The following PCDH11X variants were observed in gnomAD, a reference collection of about 807,000 sequenced individuals.
The protein encoded by PCDH11X is protocadherin-11 X-linked.
In PCDH11X, 18 loss-of-function variants were observed where a neutral mutation model predicts 53.3. The ratio of observed to expected loss-of-function variants is 0.34; its 90% CI spans 0.23 to 0.50. The LOEUF is 0.50. Among genes scored for constraint, PCDH11X ranks in the 20% least tolerant of loss-of-function variants. The pLI, the probability that PCDH11X is intolerant of heterozygous loss-of-function variation, is 0.98. For synonymous variants in PCDH11X, 279 were observed against 393.3 expected (o/e 0.71, Z 3.44); for missense variants, 570 against 1,032.4 (o/e 0.55, Z 6.14).
At chrX:92,102,962 T>C (rs1323168897) in intron 6 of PCDH11X, among the ~76,000 whole-genome samples, 1 of 111,496 alleles carries the variant, frequency 9.0e-6, no homozygotes, top group Non-Finnish European at 1.9e-5. Flanking sequence ...GCTTTAATCC[T>C]TTCAAAGCGT....
intron 6 of PCDH11X, among the ~76,000 whole-genome samples, chrX:92,033,862 T>C (rs1265022540): frequency 9.0e-6 from 1 of 110,568 alleles, no homozygotes; most frequent in African/African-American, 3.3e-5. Flanking sequence ...TTTTTCTTTT[T>C]CTTTTTTTTT....
chrX:92,273,321 A>G (rs950944278), intron 8 of PCDH11X, among the ~76,000 whole-genome samples: 43 of 111,165 alleles, frequency 3.9e-4, no homozygotes, highest in Non-Finnish European at 1.5e-4. Flanking sequence ...TCTGAGCCAG[A>G]AGAAGGAAAT....
chrX:92,426,357 C>T (rs1340471742), intron 9 of PCDH11X, among the ~76,000 whole-genome samples: 1 of 102,049 alleles, frequency 9.8e-6, no homozygotes, highest in Non-Finnish European at 2.0e-5. Flanking sequence ...CATTACTGTC[C>T]TGTCTTTAAA....
chrX:92,244,633 A>G (rs1374558158), intron 7 of PCDH11X, among the ~76,000 whole-genome samples: 1 of 111,692 alleles, frequency 9.0e-6, no homozygotes, highest in Non-Finnish European at 1.9e-5. Context: ...TGTTAACTCA[A>G]TTAGCCCTCA....
At chrX:91,893,665 T>C (rs1256556805) in intron 6 of PCDH11X, among the ~76,000 whole-genome samples, 3 of 111,115 alleles carry the variant, frequency 2.7e-5, no homozygotes, top group Non-Finnish European at 5.7e-5. Context: ...ATAGAAATCA[T>C]TGTGTCTCTC....
At chrX:92,135,757 T>TTGTGTGTGTGTGTGTG (rs575523392) in intron 6 of PCDH11X, among the ~76,000 whole-genome samples, 1 of 100,166 alleles carries the variant, frequency 1.0e-5, no homozygotes, top group Non-Finnish European at 2.0e-5. Context: ...GTGTGCATGT[T>TTGTGTGTGTGTGTGTG]TGTGTGTGTG....
At chrX:91,891,917 T>C (rs5942087) in intron 6 of PCDH11X, among the ~76,000 whole-genome samples, 14,207 of 89,200 alleles carry the variant, frequency 0.16, 1,513 homozygotes, top group Admixed American at 0.36. Flanking sequence ...TTTGTGAGTA[T>C]ATAATATCAG....
At chrX:91,858,402 T>C (rs2524489) in intron 5 of PCDH11X, among the ~76,000 whole-genome samples, 2 of 112,024 alleles carry the variant, frequency 1.8e-5, no homozygotes, top group African/African-American at 3.2e-5. Flanking sequence ...GCTCCTTGTT[T>C]CCTATGCAAA....
chrX:92,617,934 G>A (rs1928157710), intron 10 of PCDH11X, among the ~76,000 whole-genome samples: 1 of 111,076 alleles, frequency 9.0e-6, no homozygotes. Context: ...CTCAGTGCTA[G>A]TTAGAAGCCA....
intron 8 of PCDH11X, among the ~76,000 whole-genome samples, chrX:92,297,273 C>T (rs1166314959): frequency 9.5e-6 from 1 of 105,718 alleles, no homozygotes; most frequent in Non-Finnish European, 1.9e-5. Flanking sequence ...TGTTTTTGTA[C>T]TTTTAGGTTT....
rs376361040 is a variant in PCDH11X at position 92,399,192 on chromosome X, C to CAAA, written c.3343+11273_3343+11275dup. On this transcript the variant is annotated intron_variant, in intron 9 of 10. Coordinates refer to ENST00000682573, the MANE Select transcript of PCDH11X (RefSeq NM_032968.5). ...TGGGCAACAGAGCCAGACTCCGTGTCAAAAAAAAAAAAAAAATTATAAGAT... is the reference window on the plus strand; with the variant it reads ...TGGGCAACAGAGCCAGACTCCGTGTCAAAAAAAAAAAAAAAAAAATTATAAGAT... Among the ~76,000 whole-genome samples the CAAA allele has an allele frequency of 5.6e-3, 511 of 91,530 alleles. 3 individuals carry two copies. The highest frequency in any genetic ancestry group is 0.011 in the Middle Eastern group (2 of 182). 79.5% of individuals were successfully genotyped at this position (91,530 alleles called of 115,157 possible). A position where few individuals can be genotyped will look rare whatever the true frequency, so the allele number is the denominator to read the frequency against.
chrX:92,406,098 C>CA (rs61310716), intron 9 of PCDH11X, among the ~76,000 whole-genome samples: 12,305 of 56,338 alleles, frequency 0.22, 2,027 homozygotes, highest in East Asian at 0.7. Flanking sequence ...GACTCTGTCT[C>CA]AAAAAAAAAA....
rs749922148 is a variant in PCDH11X at position 92,032,344 on chromosome X, T to C, written c.3033+153071T>C. 2.7e-5 allele frequency among the ~76,000 whole-genome samples: 3 copies of C among 111,795 alleles called. No homozygotes were observed. In the East Asian group the frequency reaches 8.4e-4, roughly 31 times the overall value. On this transcript the variant is annotated intron_variant, in intron 6 of 10. Transcript: ENST00000682573. Reference sequence around the variant, plus strand: ...CATGTTTATTTTCTATCCTGCAATTTTACTAAATTTGTTTACCAGTTGTAA... The same window carrying C: ...CATGTTTATTTTCTATCCTGCAATTCTACTAAATTTGTTTACCAGTTGTAA...
intron 8 of PCDH11X, among the ~76,000 whole-genome samples, chrX:92,277,002 C>T (rs187391077): frequency 1.3e-3 from 148 of 111,170 alleles, no homozygotes; most frequent in African/African-American, 1.9e-3. Flanking sequence ...GGGCTAGTCA[C>T]GGAAAGAAAC....
At chrX:92,357,667 T>G (rs1694671247) in intron 8 of PCDH11X, among the ~76,000 whole-genome samples, 1 of 109,313 alleles carries the variant, frequency 9.1e-6, no homozygotes, top group Admixed American at 9.9e-5. Flanking sequence ...CTTCCCAGAC[T>G]CAAGAACTGT....
chrX:92,395,662 A>G (rs967201482), intron 9 of PCDH11X, among the ~76,000 whole-genome samples: 1 of 111,251 alleles, frequency 9.0e-6, no homozygotes, highest in Non-Finnish European at 1.9e-5. Context: ...TAGAGCTCTA[A>G]GGGACCTTGG....
chrX:92,010,009 G>T (rs995026347), intron 6 of PCDH11X, among the ~76,000 whole-genome samples: 5 of 110,583 alleles, frequency 4.5e-5, no homozygotes, highest in Non-Finnish European at 9.4e-5. Flanking sequence ...CTGGCCTGTT[G>T]CATTTTCACT....
At chrX:91,822,537 T>A (rs1936730054) in intron 4 of PCDH11X, among the ~76,000 whole-genome samples, 1 of 109,864 alleles carries the variant, frequency 9.1e-6, no homozygotes, top group African/African-American at 3.3e-5. Context: ...TATCATTTTT[T>A]ATTGCGTCTA....
intron 6 of PCDH11X, among the ~76,000 whole-genome samples, chrX:91,902,094 T>G (rs1198787287): frequency 1.8e-5 from 2 of 111,815 alleles, no homozygotes; most frequent in Admixed American, 9.5e-5. Flanking sequence ...GTTAGGGCCA[T>G]GTTATTGACA....
Sources: gnomAD v4.1 joint callset for allele counts (sites outside exome capture counted in the v4.1 genomes callset) on GRCh38, gnomAD v4.1.1 for gene constraint, MANE v1.5 for transcripts, NCBI Gene and HGNC (gene_info 2026-07-23, HGNC 2026-07-21) for gene names.